OSBPL8: variants seen among roughly 807,000 people sequenced by gnomAD.
The protein encoded by OSBPL8 is oxysterol binding protein like 8.
Under a neutral mutation model 125.5 loss-of-function variants are expected in OSBPL8, and 59 were observed. That is an observed-to-expected ratio of 0.47 (90% CI 0.38 to 0.58). OSBPL8 has a LOEUF of 0.58. Among genes scored for constraint, OSBPL8 ranks in the 20% least tolerant of loss-of-function variants. The pLI, the probability that OSBPL8 is intolerant of heterozygous loss-of-function variation, is 0.00. For missense variants in OSBPL8, 758 were observed against 1,047.8 expected, an observed-to-expected ratio of 0.72 and a Z score of 3.82; for synonymous variants, 330 against 338.9, an observed-to-expected ratio of 0.97 and a Z score of 0.29.
At chr12:76,547,502 A>C (rs938301250) in intron 1 of OSBPL8, among the ~76,000 whole-genome samples, 1 of 152,208 alleles carries the variant, frequency 6.6e-6, no homozygotes, top group African/African-American at 2.4e-5. Flanking sequence ...ATGAAAATTA[A>C]GGCTTCCAAT....
At chr12:76,536,176 G>GA (rs1288416357) in intron 1 of OSBPL8, among the ~76,000 whole-genome samples, 1 of 151,764 alleles carries the variant, frequency 6.6e-6, no homozygotes, top group African/African-American at 2.4e-5. Context: ...TTTAAAATCA[G>GA]AAAAAATGTA....
intron 2 of OSBPL8, among the ~76,000 whole-genome samples, chr12:76,480,909 T>G (rs183204081): frequency 1.3e-5 from 2 of 152,318 alleles, no homozygotes; most frequent in Non-Finnish European, 2.9e-5. Flanking sequence ...TTAAGGATCT[T>G]GATATAGGGC....
chr12:76,542,527 G>T (rs753711081), intron 1 of OSBPL8, among the ~76,000 whole-genome samples: 2 of 152,206 alleles, frequency 1.3e-5, no homozygotes, highest in Non-Finnish European at 2.9e-5. Flanking sequence ...CCCCCAAAGT[G>T]TCTGATTCTA....
intron 1 of OSBPL8, among the ~76,000 whole-genome samples, chr12:76,525,697 A>C (rs1950154026): frequency 6.6e-6 from 1 of 152,240 alleles, no homozygotes; most frequent in African/African-American, 2.4e-5. Context: ...ATATTTACCT[A>C]ATACATGAAG....
At position 76,353,301 on chromosome 12, in the gene OSBPL8, GT is replaced by G. The variant is rs34398462; in HGVS notation, c.*2587del. 0.73 allele frequency: 103,174 copies of G among 142,168 alleles called. 37,457 individuals are homozygous for G. Among genetic ancestry groups the G allele is most frequent in the East Asian group, 0.92 (4,623 of 5,038 alleles). 8.8% of individuals were successfully genotyped at this position (142,168 alleles called of 1,614,324 possible). A position where few individuals can be genotyped will look rare whatever the true frequency, so the allele number is the denominator to read the frequency against. Reference sequence around the variant, plus strand: ...TTCACATGCCCTATTTATTGTTGTTGTTTTTTTTTTTTTTTTACATGTCCTG... The same window carrying G: ...TTCACATGCCCTATTTATTGTTGTTGTTTTTTTTTTTTTTTACATGTCCTG... On this transcript the variant is annotated 3_prime_UTR_variant, in exon 24 of 24. Coordinates refer to ENST00000261183, the MANE Select transcript of OSBPL8 (RefSeq NM_020841.5).
chr12:76,377,129 T>A (rs1952850260), intron 16 of OSBPL8, among the ~76,000 whole-genome samples: 7 of 152,222 alleles, frequency 4.6e-5, no homozygotes, highest in Admixed American at 4.6e-4. Context: ...GGCTGCATAG[T>A]GTTCCATGGT....
intron 1 of OSBPL8, among the ~76,000 whole-genome samples, chr12:76,552,675 G>A (rs907964312): frequency 6.6e-6 from 1 of 152,024 alleles, no homozygotes; most frequent in Admixed American, 6.5e-5. Context: ...CTCACAGAGT[G>A]CTATCTCTGG....
intron 15 of OSBPL8, among the ~76,000 whole-genome samples, chr12:76,379,457 A>G (rs1197956054): frequency 2.0e-5 from 3 of 152,164 alleles, no homozygotes; most frequent in Non-Finnish European, 4.4e-5. Context: ...GCAGAGTCAT[A>G]TAACCACCAC....
intron 1 of OSBPL8, among the ~76,000 whole-genome samples, chr12:76,514,689 T>C (rs2137215151): frequency 6.6e-6 from 1 of 152,366 alleles, no homozygotes; most frequent in Non-Finnish European, 1.5e-5. Flanking sequence ...TGAATTTGAC[T>C]GTTGGCCTCT....
At chr12:76,536,437 G>C (rs921573396) in intron 1 of OSBPL8, among the ~76,000 whole-genome samples, 1 of 151,962 alleles carries the variant, frequency 6.6e-6, no homozygotes, top group African/African-American at 2.4e-5. Flanking sequence ...GTAAAAATGG[G>C]AATAACTCAC....
chr12:76,482,767 G>A (rs902658766), intron 2 of OSBPL8, among the ~76,000 whole-genome samples: 1 of 152,144 alleles, frequency 6.6e-6, no homozygotes, highest in Non-Finnish European at 1.5e-5. Flanking sequence ...AATTTCTAGA[G>A]TGAAAACTGT....
Position 76,394,710 on chromosome 12 carries a change from A to G in OSBPL8, c.692T>C (p.Val231Ala). The G allele has an allele frequency of 6.2e-7, 1 of 1,611,988 alleles. No individual in the cohort carries two copies. The highest frequency in any genetic ancestry group is 8.5e-7 in the Non-Finnish European group (1 of 1,179,172). The change falls in exon 9 of 24, where the codon GTT (valine) becomes GCT (alanine). Residue 231 changes from valine (V) to alanine (A), a missense_variant. Around this residue, in one of 3 missense-constraint regions of OSBPL8, gnomAD observed 69 missense variants for 148.7 expected, o/e 0.46. Transcript: ENST00000261183. The part of the protein sequence containing the change: ...WAVKGPKGEA[V>A]GSITQPLPSS... ...AGGTAAGGGTTGAGTAATGGATCCAACCGCTTCACCTTTTGGACCCTTAAT... is the reference window on the plus strand; with the variant it reads ...AGGTAAGGGTTGAGTAATGGATCCAGCCGCTTCACCTTTTGGACCCTTAAT...
intron 15 of OSBPL8, among the ~76,000 whole-genome samples, chr12:76,381,454 A>C (rs1953047021): frequency 6.6e-6 from 1 of 152,162 alleles, no homozygotes; most frequent in South Asian, 2.1e-4. Flanking sequence ...CAGCTGTGGT[A>C]ATTTGTGTCT....
At chr12:76,454,712 C>T (rs1873810950) in intron 3 of OSBPL8, among the ~76,000 whole-genome samples, 1 of 145,952 alleles carries the variant, frequency 6.9e-6, no homozygotes, top group Non-Finnish European at 1.5e-5. Context: ...GAGCAAGACC[C>T]TGTCTCTTTA....
intron 4 of OSBPL8, among the ~76,000 whole-genome samples, chr12:76,419,291 T>C (rs948949270): frequency 6.6e-6 from 1 of 152,172 alleles, no homozygotes; most frequent in Non-Finnish European, 1.5e-5. Flanking sequence ...ATATTTATAG[T>C]GTACCTACCT....
intron 4 of OSBPL8, among the ~76,000 whole-genome samples, chr12:76,423,824 G>A (rs950056664): frequency 6.6e-6 from 1 of 151,976 alleles, no homozygotes; most frequent in African/African-American, 2.4e-5. Context: ...TAACCATCTA[G>A]GTTAAAATTT....
chr12:76,547,858 G>C (rs1293913148), intron 1 of OSBPL8, among the ~76,000 whole-genome samples: 2 of 152,114 alleles, frequency 1.3e-5, no homozygotes, highest in Admixed American at 6.6e-5. Flanking sequence ...ATGCAAGTTG[G>C]GGTAGGGGAC....
At chr12:76,514,165 G>A (rs1393540356) in intron 1 of OSBPL8, among the ~76,000 whole-genome samples, 1 of 151,928 alleles carries the variant, frequency 6.6e-6, no homozygotes, top group African/African-American at 2.4e-5. Flanking sequence ...TTTTTTTTGA[G>A]ATAGAGTCTC....
At chr12:76,386,849 C>T (rs1953333382) in intron 12 of OSBPL8, among the ~76,000 whole-genome samples, 189 bp from the exon 13 acceptor site, 1 of 152,110 alleles carries the variant, frequency 6.6e-6, no homozygotes, top group Admixed American at 6.6e-5. Flanking sequence ...AACCTGGTCA[C>T]ATTTTCCCCC....
Sources: gnomAD v4.1 joint callset for allele counts (sites outside exome capture counted in the v4.1 genomes callset) on GRCh38, gnomAD v4.1.1 for gene constraint, gnomAD v4.1.1 regional missense constraint, MANE v1.5 for transcripts, NCBI Gene and HGNC (gene_info 2026-07-23, HGNC 2026-07-21) for gene names.